Variants in AGPAT3 observed in about 807,000 individuals in gnomAD.
AGPAT3 encodes the protein 1-acyl-sn-glycerol-3-phosphate acyltransferase gamma.
AGPAT3 carries 5 observed loss-of-function variants against 47.3 expected under a neutral mutation model. The observed-to-expected ratio is 0.11, with a 90% CI of 0.06 to 0.22. The LOEUF (loss-of-function observed/expected upper bound fraction) is 0.22, where lower values mean the gene tolerates loss of function less well. AGPAT3 is among the 10% of genes least tolerant of loss of function. AGPAT3 has a pLI of 1.00. For missense variants in AGPAT3, 315 were observed against 493.0 expected (o/e 0.64, Z 3.42); for synonymous variants, 212 against 208.3 (o/e 1.02, Z -0.15).
In AGPAT3 at chr21:43,865,316, C is replaced by A; in HGVS notation, c.-141C>A. On this transcript the variant is annotated 5_prime_UTR_variant, in exon 1 of 10. Transcript: ENST00000291572. ...CCGCGGAGGCGACGCCGGGGACGCC[C>A]GCGCGACGAGCAGGTGGCGGCGGCT... 6.8e-6 allele frequency: 1 copy of A among 146,986 alleles called. No individual in the cohort carries two copies. The highest frequency in any genetic ancestry group is 1.9e-4 in the South Asian group (1 of 5,180). The allele number at this position is 146,986 out of a possible 1,614,324, so 9.1% of individuals were successfully genotyped here.
intron 1 of AGPAT3, among the ~76,000 whole-genome samples, chr21:43,901,987 C>T (rs1445080067): frequency 6.6e-6 from 1 of 152,062 alleles, no homozygotes; most frequent in Non-Finnish European, 1.5e-5. Context: ...AGAAAAGAGG[C>T]GTGTGTGGTA....
chr21:43,975,319 C>CGTGTGCTGGCGTGTGGTATGTTCTGGT (rs1569106672), intron 7 of AGPAT3, among the ~76,000 whole-genome samples: 6 of 136,986 alleles, frequency 4.4e-5, no homozygotes, highest in African/African-American at 1.7e-4. Flanking sequence ...AGTGTGCTGG[C>CGTGTGCTGGCGTGTGGTATGTTCTGGT]GTGTGCTGGC....
chr21:43,977,240 G>A (rs2089651666), intron 7 of AGPAT3, among the ~76,000 whole-genome samples: 1 of 152,184 alleles, frequency 6.6e-6, no homozygotes. Flanking sequence ...TCATAATGGA[G>A]ATGAAAATGC....
intron 2 of AGPAT3, among the ~76,000 whole-genome samples, chr21:43,943,210 G>A (rs1463505888): frequency 6.6e-6 from 1 of 152,094 alleles, no homozygotes; most frequent in Non-Finnish European, 1.5e-5. Flanking sequence ...GAGTAGCTGG[G>A]ACTACAGGTG....
rs138919263 is a variant in AGPAT3, at chr21:43,889,524, A to G, written c.-111-14433A>G. 7.5e-3 allele frequency among the ~76,000 whole-genome samples: 1,145 copies of G among 152,350 alleles called. 8 individuals carry two copies. The highest frequency in any genetic ancestry group is 0.012 in the Non-Finnish European group (807 of 68,042). Reference sequence around the variant, plus strand: ...CATAAATTACTGGATTAGTTAACTAATACAGGCACACCTTGGTGATATTGT... The same window carrying G: ...CATAAATTACTGGATTAGTTAACTAGTACAGGCACACCTTGGTGATATTGT... On this transcript the variant is annotated intron_variant, in intron 1 of 9. Coordinates refer to ENST00000291572, the MANE Select transcript of AGPAT3 (RefSeq NM_020132.5).
Position 43,955,440 on chromosome 21 carries a change from T to C in AGPAT3, c.-48-4194T>C, listed in dbSNP as rs1289700344. Among the ~76,000 whole-genome samples, 3 of 151,998 alleles carry C rather than the reference T, an allele frequency of 2.0e-5. No individual in the cohort carries two copies. The highest frequency in any genetic ancestry group is 4.4e-5 in the Non-Finnish European group (3 of 67,984). On this transcript the variant is annotated intron_variant, in intron 2 of 9. Coordinates refer to ENST00000291572, the MANE Select transcript of AGPAT3 (RefSeq NM_020132.5). This position sits in a 1 kb window ranked among gnomAD's most constrained non-coding sequence, Gnocchi z 4.1. ...TTTATTCCTGGATGAAGTTCTTTTC[T>C]TTTTTGAGATGGAGTTTCACTCTTG...
At chr21:43,923,125 C>T (rs1416053827) in intron 2 of AGPAT3, among the ~76,000 whole-genome samples, 2 of 152,068 alleles carry the variant, frequency 1.3e-5, no homozygotes, top group Admixed American at 6.5e-5. Context: ...TCCAGCCAGG[C>T]GTGCCATGAG....
chr21:43,959,665 C>T lies in AGPAT3; in HGVS notation c.-17C>T, dbSNP rs376865084. 17 of 1,611,178 alleles carry T rather than the reference C, an allele frequency of 1.1e-5. No individual in the cohort carries two copies. Among genetic ancestry groups the T allele is most frequent in the East Asian group, 8.9e-5 (4 of 44,902 alleles). ...TGTCCTCAGCGAGGGGCCGTGCACC[C>T]GCTCCTGAGCAGCGCCATGGGCCTG... On this transcript the variant is annotated 5_prime_UTR_variant, in exon 3 of 10. Coordinates refer to ENST00000291572, the MANE Select transcript of AGPAT3 (RefSeq NM_020132.5).
In AGPAT3 at chr21:43,926,362, G is replaced by A. The variant is rs142237590; in HGVS notation, c.-49+22343G>A. Among the ~76,000 whole-genome samples, 18 of 152,322 alleles carry A rather than the reference G, an allele frequency of 1.2e-4. No homozygotes were observed. The East Asian group carries it at 3.5e-3, about 29-fold the overall frequency. Reference sequence around the variant, plus strand: ...AACAAGCTGTTTCTCTGGGGACCACGTCAGGTAACACGTAGGACAGCGGGG... The same window carrying A: ...AACAAGCTGTTTCTCTGGGGACCACATCAGGTAACACGTAGGACAGCGGGG... On this transcript the variant is annotated intron_variant, in intron 2 of 9. Transcript: ENST00000291572.
chr21:43,946,697 T>G (rs1370169928), intron 2 of AGPAT3, among the ~76,000 whole-genome samples: 2 of 152,220 alleles, frequency 1.3e-5, no homozygotes, highest in Non-Finnish European at 2.9e-5. Flanking sequence ...AAGTAGTTAT[T>G]ATAACGCGTA....
At position 43,871,599 on chromosome 21, in the gene AGPAT3, A is replaced by G. The variant is rs564521467; in HGVS notation, c.-112+6254A>G. On this transcript the variant is annotated intron_variant, in intron 1 of 9. Coordinates refer to ENST00000291572, the MANE Select transcript of AGPAT3 (RefSeq NM_020132.5). ...TGATTTTCGCAAAGCTGGTAGATGCAAAGTGTTGTGCAGTTGTGGTCTTGA... is the reference window on the plus strand; with the variant it reads ...TGATTTTCGCAAAGCTGGTAGATGCGAAGTGTTGTGCAGTTGTGGTCTTGA... 2.0e-5 allele frequency among the ~76,000 whole-genome samples: 3 copies of G among 152,316 alleles called. No homozygotes were observed. The East Asian group carries it at 5.8e-4, about 29-fold the overall frequency.
rs2086545138 is a variant in AGPAT3 at position 43,908,015 on chromosome 21, A to G, written c.-49+3996A>G. Among the ~76,000 whole-genome samples the G allele has an allele frequency of 6.6e-6, 1 of 152,184 alleles. No homozygotes were observed. The highest frequency in any genetic ancestry group is 1.5e-5 in the Non-Finnish European group (1 of 68,024). On this transcript the variant is annotated intron_variant, in intron 2 of 9. Transcript: ENST00000291572. The surrounding 1 kb of genome is among the most constrained non-coding windows in gnomAD (Gnocchi z 4.9). ...AGCATGTTCCCGTAATAGCAGAGCAAAGGGATGATGGTCTTCGGAGGAGGG... is the reference window on the plus strand; with the variant it reads ...AGCATGTTCCCGTAATAGCAGAGCAGAGGGATGATGGTCTTCGGAGGAGGG...
chr21:43,978,906 G>A (rs1333292841), intron 8 of AGPAT3, among the ~76,000 whole-genome samples: 3 of 152,154 alleles, frequency 2.0e-5, no homozygotes, highest in South Asian at 2.1e-4. Flanking sequence ...TGGGGCATTC[G>A]ATTTCCACTG....
chr21:43,942,451 G>A (rs2087691535), intron 2 of AGPAT3, among the ~76,000 whole-genome samples: 1 of 152,178 alleles, frequency 6.6e-6, no homozygotes, highest in Admixed American at 6.5e-5. Flanking sequence ...CGCCACACGT[G>A]CCCAGGTACC....
chr21:43,917,701 G>A (rs1454285418), intron 2 of AGPAT3, among the ~76,000 whole-genome samples: 1 of 152,010 alleles, frequency 6.6e-6, no homozygotes, highest in African/African-American at 2.4e-5. Context: ...GCAGGTGGGG[G>A]TCCGCATAAC....
intron 1 of AGPAT3, among the ~76,000 whole-genome samples, chr21:43,865,984 A>C (rs909143623): frequency 2.0e-4 from 31 of 151,834 alleles, no homozygotes; most frequent in Non-Finnish European, 3.4e-4. Flanking sequence ...GGGTCAGGGG[A>C]TGGGGTCAGT....
intron 4 of AGPAT3, among the ~76,000 whole-genome samples, chr21:43,968,737 A>G (rs2089263302): frequency 6.6e-6 from 1 of 152,086 alleles, no homozygotes; most frequent in African/African-American, 2.4e-5. Flanking sequence ...TCCCTGCAGA[A>G]CCACTTCCGT....
At position 43,954,973 on chromosome 21, in the gene AGPAT3, G is replaced by A. The variant is rs1202863298; in HGVS notation, c.-48-4661G>A. 84 of 1,102,536 alleles carry A rather than the reference G, an allele frequency of 7.6e-5. 1 individual carries two copies. The highest frequency in any genetic ancestry group is 8.6e-5 in the Non-Finnish European group (76 of 881,920). 68.3% of individuals were successfully genotyped at this position (1,102,536 alleles called of 1,614,324 possible). On this transcript the variant is annotated intron_variant, in intron 2 of 9. Coordinates refer to ENST00000291572, the MANE Select transcript of AGPAT3 (RefSeq NM_020132.5). The surrounding 1 kb of genome is among the most constrained non-coding windows in gnomAD (Gnocchi z 4.0). The stretch of plus-strand genomic sequence containing the variant: ...CTGGCCGCTTTGTGACACCGAGGAC[G>A]GTTGATAAAGTGGATTCTCGAGGGG...
Position 43,971,505 on chromosome 21 carries a change from T to G in AGPAT3, c.767+15T>G. On this transcript the variant is annotated intron_variant, in intron 7 of 9. Coordinates refer to ENST00000291572, the MANE Select transcript of AGPAT3 (RefSeq NM_020132.5). ...ATGTGCGTGAGGTGAGGCCAGACCC[T>G]GTGGCTCTCGCGCCGCCCCCCATAC... 6.2e-7 allele frequency: 1 copy of G among 1,612,740 alleles called. No individual in the cohort carries two copies. The highest frequency in any genetic ancestry group is 8.5e-7 in the Non-Finnish European group (1 of 1,178,798).
Sources: allele counts gnomAD v4.1 joint callset (sites outside exome capture counted in the v4.1 genomes callset), GRCh38; gene constraint gnomAD v4.1.1; non-coding constraint Gnocchi (gnomAD v3.1); transcripts MANE v1.5; gene names NCBI Gene and HGNC (gene_info 2026-07-23, HGNC 2026-07-21).